MAPK4: variants seen among roughly 807,000 people sequenced by gnomAD.
MAPK4 encodes the protein mitogen-activated protein kinase 4.
Under a neutral mutation model 47.7 loss-of-function variants are expected in MAPK4, and 22 were observed. That is an observed-to-expected ratio of 0.46 (90% CI 0.33 to 0.66). MAPK4 has a LOEUF of 0.66. Ranked by LOEUF, MAPK4 falls within the 30% of genes least tolerant of loss-of-function variation. The pLI, the probability that MAPK4 is intolerant of heterozygous loss-of-function variation, is 0.02. For synonymous variants in MAPK4, 390 were observed against 365.7 expected, an observed-to-expected ratio of 1.07 and a Z score of -0.76; for missense variants, 736 against 831.7, an observed-to-expected ratio of 0.88 and a Z score of 1.42.
At chr18:50,691,248 C>A (rs1045058004) in intron 2 of MAPK4, among the ~76,000 whole-genome samples, 9 of 152,118 alleles carry the variant, frequency 5.9e-5, no homozygotes, top group African/African-American at 2.2e-4. Flanking sequence ...CCCGCCTTGG[C>A]CTCCCAGAGT....
At chr18:50,594,516 G>A (rs1031599959) in intron 1 of MAPK4, among the ~76,000 whole-genome samples, 3 of 152,102 alleles carry the variant, frequency 2.0e-5, no homozygotes, top group Non-Finnish European at 4.4e-5. Flanking sequence ...CCTTTATCAG[G>A]TGGTGCTAGA....
intron 1 of MAPK4, among the ~76,000 whole-genome samples, chr18:50,656,708 T>TA (rs2043113536): frequency 6.6e-6 from 1 of 152,118 alleles, no homozygotes; most frequent in Admixed American, 6.5e-5. Flanking sequence ...CTGCTACGCT[T>TA]ATAGTAGGAA....
At chr18:50,710,758 T>C (rs559008242) in intron 2 of MAPK4, among the ~76,000 whole-genome samples, 1 of 151,270 alleles carries the variant, frequency 6.6e-6, no homozygotes. Flanking sequence ...CCAGCCTGGG[T>C]GACAGAGTGA....
At chr18:50,565,885 A>G (rs1193340940) in intron 1 of MAPK4, among the ~76,000 whole-genome samples, 1 of 152,232 alleles carries the variant, frequency 6.6e-6, no homozygotes, top group East Asian at 1.9e-4. Context: ...AAATTGACTA[A>G]TGATGCATTT....
chr18:50,568,274 A>G (rs1443939389), intron 1 of MAPK4, among the ~76,000 whole-genome samples: 2 of 152,092 alleles, frequency 1.3e-5, no homozygotes, highest in African/African-American at 4.8e-5. Flanking sequence ...CTTCAGTTCC[A>G]TGTTTCAGGC....
chr18:50,625,261 G>C (rs959343354), intron 1 of MAPK4, among the ~76,000 whole-genome samples: 4 of 152,192 alleles, frequency 2.6e-5, no homozygotes, highest in Non-Finnish European at 5.9e-5. Flanking sequence ...GGGATGGATG[G>C]CCTCCATCAC....
At chr18:50,629,157 A>G (rs1360812759) in intron 1 of MAPK4, among the ~76,000 whole-genome samples, 1 of 152,200 alleles carries the variant, frequency 6.6e-6, no homozygotes, top group East Asian at 1.9e-4. Flanking sequence ...GGCATTGCTC[A>G]GGGCTGAAAT....
chr18:50,637,519 G>A (rs2042898340), intron 1 of MAPK4, among the ~76,000 whole-genome samples: 2 of 152,210 alleles, frequency 1.3e-5, no homozygotes, highest in Admixed American at 1.3e-4. Flanking sequence ...TCAGACAGGT[G>A]TTTAAGGCCT....
intron 2 of MAPK4, among the ~76,000 whole-genome samples, chr18:50,671,062 A>C (rs1358330292): frequency 1.3e-5 from 2 of 152,204 alleles, no homozygotes; most frequent in Non-Finnish European, 2.9e-5. Context: ...CAGCACAATG[A>C]AGGAGACTAA....
chr18:50,688,374 A>G (rs757168457), intron 2 of MAPK4, among the ~76,000 whole-genome samples: 23 of 152,190 alleles, frequency 1.5e-4, no homozygotes, highest in African/African-American at 3.6e-4. Flanking sequence ...CAGGGCCCCA[A>G]ACAGCAGTAA....
In MAPK4 at chr18:50,633,574, A is replaced by G. The variant is rs181004411; in HGVS notation, c.-870-29515A>G. 2.5e-3 allele frequency among the ~76,000 whole-genome samples: 378 copies of G among 152,312 alleles called. 1 individual carries two copies. The highest frequency in any genetic ancestry group is 2.9e-3 in the Non-Finnish European group (196 of 68,026). On this transcript the variant is annotated intron_variant, in intron 1 of 5. Transcript: ENST00000400384. ...CTTCTCAGGGGACCTCTCTTTGCTC[A>G]GTGGCTTCCCACCGCAGCCACTTGG...
chr18:50,613,676 C>T (rs1036614571), intron 1 of MAPK4, among the ~76,000 whole-genome samples: 1 of 152,204 alleles, frequency 6.6e-6, no homozygotes, highest in Non-Finnish European at 1.5e-5. Context: ...TGTCTCAAAA[C>T]AATCCTTGTG....
intron 3 of MAPK4, among the ~76,000 whole-genome samples, chr18:50,717,780 T>G (rs987157195): frequency 1.3e-5 from 2 of 152,188 alleles, no homozygotes; most frequent in Non-Finnish European, 2.9e-5. Flanking sequence ...TTGTTCACTG[T>G]AGAGTGACCA....
At chr18:50,710,587 C>T (rs1598940788) in intron 2 of MAPK4, among the ~76,000 whole-genome samples, 1 of 152,028 alleles carries the variant, frequency 6.6e-6, no homozygotes, top group East Asian at 1.9e-4. Flanking sequence ...ACCATCCTGG[C>T]TAACACAGTG....
At chr18:50,708,022 C>T (rs1354852926) in intron 2 of MAPK4, among the ~76,000 whole-genome samples, 4 of 152,188 alleles carry the variant, frequency 2.6e-5, no homozygotes, top group African/African-American at 4.8e-5. Context: ...ACTTTAGCTG[C>T]GTAATAGAAC....
rs149706290 is a variant in MAPK4 at position 50,640,735 on chromosome 18, G to C, written c.-870-22354G>C. ...CCCGCCTTGGCCTACCAAAGTGCTG[G>C]GATTACAGGCATGAGCCACCGCACC... is the stretch of plus-strand genomic sequence containing the variant. On this transcript the variant is annotated intron_variant, in intron 1 of 5. Coordinates refer to ENST00000400384, the MANE Select transcript of MAPK4 (RefSeq NM_002747.4). 7.3e-3 allele frequency among the ~76,000 whole-genome samples: 1,105 copies of C among 152,182 alleles called. 10 individuals carry two copies. The highest frequency in any genetic ancestry group is 0.025 in the African/African-American group (1,056 of 41,492).
At chr18:50,588,409 CAG>C (rs2042407072) in intron 1 of MAPK4, among the ~76,000 whole-genome samples, 2 of 152,324 alleles carry the variant, frequency 1.3e-5, no homozygotes, top group South Asian at 4.1e-4. Context: ...ACTGGCTTCA[CAG>C]GGCAGAAGGA....
At chr18:50,640,823 C>T (rs887261091) in intron 1 of MAPK4, among the ~76,000 whole-genome samples, 8 of 152,030 alleles carry the variant, frequency 5.3e-5, no homozygotes, top group Non-Finnish European at 8.8e-5. Flanking sequence ...CACACACACA[C>T]GCACACACAC....
chr18:50,624,587 A>C (rs2042759983), intron 1 of MAPK4, among the ~76,000 whole-genome samples: 1 of 152,230 alleles, frequency 6.6e-6, no homozygotes, highest in South Asian at 2.1e-4. Context: ...ATGTTACCAA[A>C]GTGTTAGCCA....
Sources: gnomAD v4.1 joint callset for allele counts (sites outside exome capture counted in the v4.1 genomes callset) on GRCh38, gnomAD v4.1.1 for gene constraint, MANE v1.5 for transcripts, NCBI Gene and HGNC (gene_info 2026-07-23, HGNC 2026-07-21) for gene names.